CCN4: variants seen among roughly 807,000 people sequenced by gnomAD.
CCN4 encodes the protein CCN family member 4.
In CCN4, 30 loss-of-function variants were observed where a neutral mutation model predicts 36.7. The ratio of observed to expected loss-of-function variants is 0.82; its 90% CI spans 0.61 to 1.11. CCN4 has a LOEUF of 1.11. CCN4 is among the 50% of genes least tolerant of loss of function. The probability of loss-of-function intolerance (pLI) is 0.00; values close to 1 mark genes in which losing one functional copy is unlikely to be tolerated. For synonymous variants in CCN4, 191 were observed against 195.4 expected, an observed-to-expected ratio of 0.98 and a Z score of 0.19; for missense variants, 505 against 504.9, an observed-to-expected ratio of 1.00 and a Z score of 0.00.
intron 2 of CCN4, 133 bp downstream of exon 2, chr8:133,213,276 T>A (rs1854134819): frequency 1.8e-6 from 2 of 1,137,782 alleles, no homozygotes; most frequent in East Asian, 2.5e-5. Context: ...CACCCCATGA[T>A]CAGAGGCCAG....
intron 1 of CCN4, among the ~76,000 whole-genome samples, chr8:133,206,783 G>T (rs1200898623): frequency 2.0e-5 from 3 of 152,178 alleles, no homozygotes; most frequent in African/African-American, 4.8e-5. Context: ...TGGAATTAAG[G>T]TCCCAGAACT....
At chr8:133,212,810 G>C in intron 1 of CCN4, 54 bp from the exon 2 acceptor site, 1 of 1,377,020 alleles carries the variant, frequency 7.3e-7, no homozygotes, top group Non-Finnish European at 9.9e-7. Context: ...GGCCCTTTGG[G>C]CGTTGAAACC....
rs1854919179 is a variant in CCN4 at position 133,230,523 on chromosome 8, C to A, written c.*2813C>A. On this transcript the variant is annotated 3_prime_UTR_variant, in exon 5 of 5. Transcript: ENST00000250160. ...CTTATTCTACCAGCCCCTGCTCTTG[C>A]GGAGGCCTCTGGAAAAGACCTGAAT... is the stretch of plus-strand genomic sequence containing the variant. 6.6e-6 allele frequency: 1 copy of A among 152,180 alleles called. No individual in the cohort carries two copies. The highest frequency in any genetic ancestry group is 2.4e-5 in the African/African-American group (1 of 41,442). 9.4% of individuals were successfully genotyped at this position (152,180 alleles called of 1,614,324 possible).
chr8:133,213,501 C>T (rs1344887597), intron 2 of CCN4, among the ~76,000 whole-genome samples: 3 of 152,182 alleles, frequency 2.0e-5, no homozygotes, highest in Admixed American at 2.0e-4. Flanking sequence ...CACCAGCATA[C>T]TGCAGAACTC....
intron 1 of CCN4, among the ~76,000 whole-genome samples, chr8:133,197,527 C>G (rs972391452): frequency 1.3e-5 from 2 of 152,166 alleles, no homozygotes; most frequent in Admixed American, 6.5e-5. Context: ...AGTCTCCCCC[C>G]CAGCTCTGAC....
intron 3 of CCN4, among the ~76,000 whole-genome samples, chr8:133,224,229 CTTTTTTTTTT>C (rs59929763): frequency 1.1e-5 from 1 of 88,494 alleles, no homozygotes; most frequent in Non-Finnish European, 2.1e-5. Context: ...CCCGTAAGTC[CTTTTTTTTTT>C]TTTTTTTTTT....
intron 1 of CCN4, among the ~76,000 whole-genome samples, chr8:133,196,586 G>A (rs1026217680): frequency 2.6e-5 from 4 of 152,152 alleles, no homozygotes; most frequent in African/African-American, 4.8e-5. Flanking sequence ...TAACAGGTAG[G>A]GAGGGAGAAA....
rs532610471 is a variant in CCN4, at chr8:133,195,760, C to G, written c.69+4547C>G. Among the ~76,000 whole-genome samples the G allele has an allele frequency of 2.6e-5, 4 of 152,342 alleles. No individual in the cohort carries two copies. In the South Asian group the frequency reaches 8.3e-4, roughly 32 times the overall value. ...CTGAGCAGCACTCCTGGCTCCACAG[C>G]AAGCCCCACCAACCACCCCCAGGTT... is the stretch of plus-strand genomic sequence containing the variant. On this transcript the variant is annotated intron_variant, in intron 1 of 4. Coordinates refer to ENST00000250160, the MANE Select transcript of CCN4 (RefSeq NM_003882.4).
In CCN4 at chr8:133,225,602, T is replaced by C. The variant is rs769367919; in HGVS notation, c.804+19T>C. On this transcript the variant is annotated intron_variant, in intron 4 of 4. Transcript: ENST00000250160. ...CATTAAGGTGGGTCCAGAGCAGGTG[T>C]GGATGTCTAGACTTCACAAGCAGAC... 2 of 1,549,854 alleles carry C rather than the reference T, an allele frequency of 1.3e-6. No individual in the cohort carries two copies. Among genetic ancestry groups the C allele is most frequent in the Admixed American group, 3.6e-5 (2 of 55,278 alleles).
Position 133,191,796 on chromosome 8 carries a change from C to T in CCN4, c.69+583C>T, listed in dbSNP as rs575972568. Among the ~76,000 whole-genome samples, 3 of 152,296 alleles carry T rather than the reference C, an allele frequency of 2.0e-5. No homozygotes were observed. In the South Asian group the frequency reaches 6.2e-4, roughly 32 times the overall value. On this transcript the variant is annotated intron_variant, in intron 1 of 4. Transcript: ENST00000250160. ...AACCCCAACTGCTGTCACCTCCGGT[C>T]TGCACAGCCCTCTGCAGTCTGCAGA...
At chr8:133,194,924 G>A (rs1438444567) in intron 1 of CCN4, among the ~76,000 whole-genome samples, 3 of 138,616 alleles carry the variant, frequency 2.2e-5, no homozygotes, top group African/African-American at 8.2e-5. Context: ...TGTATATGGT[G>A]TGTTTGTGTG....
chr8:133,224,242 T>C (rs1337579532), intron 3 of CCN4, among the ~76,000 whole-genome samples: 2 of 143,136 alleles, frequency 1.4e-5, no homozygotes, highest in African/African-American at 5.2e-5. Flanking sequence ...TTTTTTTTTT[T>C]TTTTTTTTTT....
chr8:133,195,573 G>A (rs994926662), intron 1 of CCN4, among the ~76,000 whole-genome samples: 7 of 151,944 alleles, frequency 4.6e-5, no homozygotes, highest in African/African-American at 1.5e-4. Flanking sequence ...AGCCCCTGCT[G>A]CCAGCTCAGG....
At chr8:133,220,467 G>C (rs970883330) in intron 2 of CCN4, 114 bp from the exon 3 acceptor site, 10 of 1,468,052 alleles carry the variant, frequency 6.8e-6, no homozygotes, top group Non-Finnish European at 6.5e-6. Flanking sequence ...CCTCCTCCAT[G>C]CTGGGAGCCA....
At chr8:133,223,171 TC>T (rs546975580) in intron 3 of CCN4, among the ~76,000 whole-genome samples, 3 of 151,930 alleles carry the variant, frequency 2.0e-5, no homozygotes, top group Non-Finnish European at 4.4e-5. Context: ...AAGGCAGCTC[TC>T]CCACCACCAC....
intron 2 of CCN4, among the ~76,000 whole-genome samples, chr8:133,215,472 A>T (rs1030707389): frequency 7.2e-5 from 11 of 152,202 alleles, no homozygotes; most frequent in African/African-American, 2.7e-4. Flanking sequence ...CTACCATTGC[A>T]TTAATCTCTA....
intron 1 of CCN4, among the ~76,000 whole-genome samples, chr8:133,210,386 G>GGTGTGT (rs71299053): frequency 0.015 from 2,217 of 145,670 alleles, 55 homozygotes; most frequent in African/African-American, 0.053. Context: ...CAAAAAGAGG[G>GGTGTGT]GTGTGTGTGT....
chr8:133,209,103 A>G (rs1218035849), intron 1 of CCN4, among the ~76,000 whole-genome samples: 1 of 152,048 alleles, frequency 6.6e-6, no homozygotes, highest in East Asian at 1.9e-4. Context: ...CCCTAGAATG[A>G]CTCAGTCATC....
chr8:133,203,436 G>T (rs137958122), intron 1 of CCN4, among the ~76,000 whole-genome samples: 33 of 152,310 alleles, frequency 2.2e-4, no homozygotes, highest in Non-Finnish European at 3.1e-4. Flanking sequence ...TAAGGGTTCT[G>T]CAGGGACACT....
Sources: allele counts gnomAD v4.1 joint callset (sites outside exome capture counted in the v4.1 genomes callset), GRCh38; gene constraint gnomAD v4.1.1; transcripts MANE v1.5; gene names NCBI Gene and HGNC (gene_info 2026-07-23, HGNC 2026-07-21).